HECW1: variants seen among roughly 807,000 people sequenced by gnomAD.
HECW1 encodes the protein E3 ubiquitin-protein ligase HECW1.
A neutral mutation model predicts 182.3 loss-of-function variants in HECW1; 61 were observed. The observed-to-expected ratio is 0.33, with a 90% CI of 0.27 to 0.41. The LOEUF (loss-of-function observed/expected upper bound fraction) is 0.41. Ranked by LOEUF, HECW1 falls within the 10% of genes least tolerant of loss-of-function variation. HECW1 has a pLI of 1.00. For synonymous variants in HECW1, 859 were observed against 832.6 expected (o/e 1.03, Z -0.55); for missense variants, 1,739 against 2,108.9 (o/e 0.82, Z 3.44).
chr7:43,340,340 CCT>C (rs996432420), intron 5 of HECW1, among the ~76,000 whole-genome samples: 3 of 150,484 alleles, frequency 2.0e-5, no homozygotes, highest in African/African-American at 7.5e-5. Context: ...CCTGCTTCAG[CCT>C]CCAGAGTAGC....
chr7:43,310,992 A>G (rs1808430992), intron 3 of HECW1, among the ~76,000 whole-genome samples: 1 of 152,104 alleles, frequency 6.6e-6, no homozygotes, highest in Non-Finnish European at 1.5e-5. Context: ...TGTATTTTCA[A>G]AGTTATCTGT....
chr7:43,520,616 AATT>A lies in HECW1; in HGVS notation c.4019+11499_4019+11501del, dbSNP rs1252229700. On this transcript the variant is annotated intron_variant, in intron 24 of 29. Transcript: ENST00000395891. ...AGACAAATATGTTCATCTTCTCTTGAATTATTTTTTTATTATTATTATTCTACT... is the reference window on the plus strand; with the variant it reads ...AGACAAATATGTTCATCTTCTCTTGAATTTTTTTATTATTATTATTCTACT... Among the ~76,000 whole-genome samples the A allele has an allele frequency of 2.3e-4, 20 of 87,984 alleles. No homozygotes were observed. In the East Asian group the frequency reaches 5.7e-3, roughly 25 times the overall value. The allele number at this position is 87,984 out of a possible 152,430, so 57.7% of individuals were successfully genotyped here. A position where few individuals can be genotyped will look rare whatever the true frequency, so the allele number is the denominator to read the frequency against.
intron 3 of HECW1, among the ~76,000 whole-genome samples, chr7:43,305,063 C>A (rs1404876525): frequency 6.6e-6 from 1 of 152,162 alleles, no homozygotes; most frequent in Non-Finnish European, 1.5e-5. Flanking sequence ...GGTAAAGCTT[C>A]CCCTAGAAGT....
intron 2 of HECW1, among the ~76,000 whole-genome samples, chr7:43,144,254 C>T (rs1190978412): frequency 6.6e-6 from 1 of 152,172 alleles, no homozygotes; most frequent in Non-Finnish European, 1.5e-5. Context: ...CATTTCATTC[C>T]ATTATATTAA....
At chr7:43,361,642 T>C (rs1815925699) in intron 6 of HECW1, among the ~76,000 whole-genome samples, 1 of 152,096 alleles carries the variant, frequency 6.6e-6, no homozygotes, top group South Asian at 2.1e-4. Context: ...CAATCCAGTT[T>C]TAATCTTTGT....
In HECW1 at chr7:43,409,570, G is replaced by A. The variant is rs970596120; in HGVS notation, c.801+1839G>A. ...TTCTGAAATGATTTCTGAAGCTTTG[G>A]TTAACACTGATTTTGTTCTGGCAGA... On this transcript the variant is annotated intron_variant, in intron 8 of 29. Coordinates refer to ENST00000395891, the MANE Select transcript of HECW1 (RefSeq NM_015052.5). Among the ~76,000 whole-genome samples, 4 of 152,182 alleles carry A rather than the reference G, an allele frequency of 2.6e-5. No individual in the cohort carries two copies. In the East Asian group the frequency reaches 7.7e-4, roughly 29 times the overall value.
chr7:43,547,439 C>T (rs1044776340), intron 26 of HECW1, among the ~76,000 whole-genome samples: 2 of 151,844 alleles, frequency 1.3e-5, no homozygotes, highest in Non-Finnish European at 2.9e-5. Context: ...CTCAGCTACT[C>T]GGGAGGCTGA....
intron 2 of HECW1, among the ~76,000 whole-genome samples, chr7:43,174,979 TAAAAC>T (rs1488434692): frequency 6.6e-6 from 1 of 152,170 alleles, no homozygotes; most frequent in Non-Finnish European, 1.5e-5. Flanking sequence ...GGCATATTAA[TAAAAC>T]AAACACATCT....
At chr7:43,500,843 C>A (rs973744931) in intron 20 of HECW1, 61 bp downstream of exon 20, 53 of 1,363,278 alleles carry the variant, frequency 3.9e-5, no homozygotes, top group Non-Finnish European at 5.6e-5. Flanking sequence ...TCCTCCATCA[C>A]GGCCACCCTG....
intron 5 of HECW1, among the ~76,000 whole-genome samples, chr7:43,357,119 A>C (rs73097676): frequency 6.6e-6 from 1 of 152,208 alleles, no homozygotes; most frequent in Admixed American, 6.5e-5. Flanking sequence ...GCCCTCATAC[A>C]CTGCTGGTGG....
At chr7:43,260,919 T>G (rs1373716006) in intron 3 of HECW1, among the ~76,000 whole-genome samples, 1 of 152,248 alleles carries the variant, frequency 6.6e-6, no homozygotes, top group Non-Finnish European at 1.5e-5. Context: ...CCAAGCACTA[T>G]TCTAAGAAAG....
chr7:43,409,231 G>A lies in HECW1; in HGVS notation c.801+1500G>A, dbSNP rs190976215. On this transcript the variant is annotated intron_variant, in intron 8 of 29. Transcript: ENST00000395891. The stretch of plus-strand genomic sequence containing the variant: ...ACTTGTACTTAAACTTCCTCCTAGC[G>A]TTGGTTATCAACAGATTCTAAAACA... Among the ~76,000 whole-genome samples, 217 of 152,304 alleles carry A rather than the reference G, an allele frequency of 1.4e-3. 1 individual carries two copies. The highest frequency in any genetic ancestry group is 3.4e-3 in the Middle Eastern group (1 of 294).
At chr7:43,500,889 T>C in intron 20 of HECW1, 107 bp downstream of exon 20, 1 of 903,558 alleles carries the variant, frequency 1.1e-6, no homozygotes, top group South Asian at 1.3e-5. Context: ...CCGCTTGTTC[T>C]AGAGGATTCT....
At chr7:43,268,388 C>T (rs1802018075) in intron 3 of HECW1, among the ~76,000 whole-genome samples, 1 of 152,242 alleles carries the variant, frequency 6.6e-6, no homozygotes, top group African/African-American at 2.4e-5. Context: ...GCCTAGCAGC[C>T]TTATTCCCTG....
chr7:43,536,375 T>C (rs931186134), intron 24 of HECW1, among the ~76,000 whole-genome samples: 1 of 152,164 alleles, frequency 6.6e-6, no homozygotes, highest in African/African-American at 2.4e-5. Flanking sequence ...CCCCCTCCAC[T>C]GCCCAGGGGA....
intron 3 of HECW1, among the ~76,000 whole-genome samples, chr7:43,265,354 AC>A (rs1230424694): frequency 6.6e-6 from 1 of 152,140 alleles, no homozygotes; most frequent in Non-Finnish European, 1.5e-5. Flanking sequence ...CCTCCTAACC[AC>A]AGCGGGCCAG....
At chr7:43,166,911 C>A (rs557417904) in intron 2 of HECW1, among the ~76,000 whole-genome samples, 6 of 152,330 alleles carry the variant, frequency 3.9e-5, no homozygotes, top group African/African-American at 1.4e-4. Context: ...ACTGTGGCCG[C>A]ATGTGGATGA....
chr7:43,354,477 A>T (rs891312404), intron 5 of HECW1, among the ~76,000 whole-genome samples: 3 of 152,220 alleles, frequency 2.0e-5, no homozygotes, highest in Non-Finnish European at 4.4e-5. Flanking sequence ...TAATTTTAAA[A>T]ATAAAACAAA....
At chr7:43,461,936 C>G (rs1368140308) in intron 13 of HECW1, among the ~76,000 whole-genome samples, 1 of 152,198 alleles carries the variant, frequency 6.6e-6, no homozygotes, top group African/African-American at 2.4e-5. Context: ...TCCTAAAGAA[C>G]TCGTTAGAAA....
Sources: allele counts gnomAD v4.1 joint callset (sites outside exome capture counted in the v4.1 genomes callset), GRCh38; gene constraint gnomAD v4.1.1; transcripts MANE v1.5; gene names NCBI Gene and HGNC (gene_info 2026-07-23, HGNC 2026-07-21).